The following DOCK8 variants were observed in gnomAD, a reference collection of about 807,000 sequenced individuals.
DOCK8 encodes the protein dedicator of cytokinesis protein 8.
In DOCK8, 141 loss-of-function variants were observed where a neutral mutation model predicts 245.6. The ratio of observed to expected loss-of-function variants is 0.57; its 90% CI spans 0.50 to 0.66. DOCK8 has a LOEUF of 0.66. Among genes scored for constraint, DOCK8 ranks in the 30% least tolerant of loss-of-function variants. The pLI, the probability that DOCK8 is intolerant of heterozygous loss-of-function variation, is 0.00. For synonymous variants in DOCK8, 1,168 were observed against 970.2 expected (o/e 1.20, Z -3.79); for missense variants, 2,965 against 2,603.4 (o/e 1.14, Z -3.02).
At chr9:245,139 C>G (rs1408406425) in intron 1 of DOCK8, among the ~76,000 whole-genome samples, 2 of 152,178 alleles carry the variant, frequency 1.3e-5, no homozygotes, top group African/African-American at 4.8e-5. Context: ...ACCTACACAG[C>G]TGTAGTTGTT....
intron 14 of DOCK8, among the ~76,000 whole-genome samples, chr9:365,057 A>G (rs1349311718): frequency 6.6e-6 from 1 of 152,240 alleles, no homozygotes; most frequent in Non-Finnish European, 1.5e-5. Flanking sequence ...AAAGGCCAGC[A>G]TGGGAGAATG....
chr9:312,847 C>G, intron 6 of DOCK8: 1 of 178,896 alleles, frequency 5.6e-6, no homozygotes, highest in Non-Finnish European at 1.2e-5. Flanking sequence ...CTCAGTTTTC[C>G]CCTCTGCGTG....
intron 28 of DOCK8, among the ~76,000 whole-genome samples, chr9:410,242 A>T (rs906194283): frequency 1.3e-5 from 2 of 152,160 alleles, no homozygotes; most frequent in East Asian, 3.8e-4. Context: ...ATAATATTCC[A>T]TTATCCTCTC....
At chr9:307,874 C>G (rs2049921835) in intron 5 of DOCK8, among the ~76,000 whole-genome samples, 1 of 152,148 alleles carries the variant, frequency 6.6e-6, no homozygotes, top group African/African-American at 2.4e-5. Flanking sequence ...CGATAGAATA[C>G]TATTCAGCCA....
chr9:323,258 C>A (rs2050605067), intron 7 of DOCK8, among the ~76,000 whole-genome samples: 1 of 111,004 alleles, frequency 9.0e-6, no homozygotes, highest in Non-Finnish European at 1.7e-5. Flanking sequence ...GAGTCTCACT[C>A]TATTGTCCAG....
chr9:353,696 C>G (rs2052287045), intron 14 of DOCK8, among the ~76,000 whole-genome samples: 1 of 152,164 alleles, frequency 6.6e-6, no homozygotes, highest in South Asian at 2.1e-4. Context: ...AAAAATACAG[C>G]ATAGTCCAGA....
intron 8 of DOCK8, among the ~76,000 whole-genome samples, chr9:327,133 C>G (rs1457736999): frequency 6.6e-6 from 1 of 152,188 alleles, no homozygotes; most frequent in Non-Finnish European, 1.5e-5. Flanking sequence ...GCTGACTAAG[C>G]TTCCCCCAGC....
chr9:240,278 A>G (rs1402310478), intron 1 of DOCK8, among the ~76,000 whole-genome samples: 1 of 152,182 alleles, frequency 6.6e-6, no homozygotes, highest in Non-Finnish European at 1.5e-5. Context: ...AATCAACCTC[A>G]TAAGATGGAA....
intron 46 of DOCK8, among the ~76,000 whole-genome samples, chr9:458,978 A>T (rs1418223372): frequency 1.3e-5 from 2 of 152,102 alleles, no homozygotes; most frequent in African/African-American, 4.8e-5. Context: ...AATCCCTATC[A>T]ATCTGGTTTC....
chr9:340,569 C>T (rs994151498), intron 14 of DOCK8: 32 of 437,482 alleles, frequency 7.3e-5, no homozygotes, highest in East Asian at 5.0e-4. Flanking sequence ...TGCAGTGAGC[C>T]AAGATTGCAC....
intron 32 of DOCK8, 81 bp from the exon 33 acceptor site, chr9:421,967 G>C: frequency 1.6e-6 from 2 of 1,241,430 alleles, no homozygotes; most frequent in Non-Finnish European, 1.2e-6. Flanking sequence ...AGGCTTCTCA[G>C]TTGAGCTTGT....
At chr9:379,963 G>A (rs937068167) in intron 21 of DOCK8, 28 bp downstream of exon 21, 3 of 1,608,456 alleles carry the variant, frequency 1.9e-6, no homozygotes, top group African/African-American at 1.3e-5. Flanking sequence ...GTGGGACTCT[G>A]GTGGGCGGGG....
At chr9:301,949 C>T (rs2049565265) in intron 4 of DOCK8, among the ~76,000 whole-genome samples, 1 of 151,900 alleles carries the variant, frequency 6.6e-6, no homozygotes, top group South Asian at 2.1e-4. Context: ...CACTGCTATT[C>T]CTATCTTAAT....
At chr9:416,819 C>G (rs1020281965) in intron 29 of DOCK8, among the ~76,000 whole-genome samples, 12 of 152,174 alleles carry the variant, frequency 7.9e-5, no homozygotes, top group Admixed American at 4.6e-4. Context: ...AAGCATTTTG[C>G]ACAGCACATG....
chr9:242,348 C>G (rs1448771284), intron 1 of DOCK8, among the ~76,000 whole-genome samples: 2 of 152,008 alleles, frequency 1.3e-5, no homozygotes, highest in Non-Finnish European at 2.9e-5. Context: ...GTGGAAAGGT[C>G]TACTGTGGAA....
chr9:371,675 T>C, intron 17 of DOCK8, 109 bp downstream of exon 17: 1 of 1,459,638 alleles, frequency 6.9e-7, no homozygotes, highest in East Asian at 2.4e-5. Flanking sequence ...CAGTCAGAAG[T>C]AGCAAAACAT....
At chr9:262,511 C>G (rs943067115) in intron 1 of DOCK8, among the ~76,000 whole-genome samples, 4 of 149,484 alleles carry the variant, frequency 2.7e-5, no homozygotes, top group Non-Finnish European at 4.4e-5. Flanking sequence ...GAGTAAACTA[C>G]TAATACACAG....
At chr9:368,190 C>G in intron 15 of DOCK8, 55 bp downstream of exon 15, 1 of 1,376,572 alleles carries the variant, frequency 7.3e-7, no homozygotes. Flanking sequence ...TCACCCCTGT[C>G]ACTTCACACA....
chr9:313,647 C>T (rs922598443), intron 6 of DOCK8, among the ~76,000 whole-genome samples: 3 of 152,204 alleles, frequency 2.0e-5, no homozygotes, highest in African/African-American at 7.2e-5. Flanking sequence ...GCCACAAAGT[C>T]TCAGGCGGGA....
Sources: allele counts gnomAD v4.1 joint callset (sites outside exome capture counted in the v4.1 genomes callset), GRCh38; gene constraint gnomAD v4.1.1; transcripts MANE v1.5; gene names NCBI Gene and HGNC (gene_info 2026-07-23, HGNC 2026-07-21).